BEND7: variants seen among roughly 807,000 people sequenced by gnomAD.
BEND7 encodes the protein BEN domain containing 7.
A neutral mutation model predicts 50.9 loss-of-function variants in BEND7; 28 were observed. The ratio of observed to expected loss-of-function variants is 0.55; its 90% CI spans 0.41 to 0.75. The LOEUF is 0.75. Among genes scored for constraint, BEND7 ranks in the 30% least tolerant of loss-of-function variants. The pLI is 0.00. For missense variants in BEND7, 477 were observed against 491.3 expected, an observed-to-expected ratio of 0.97 and a Z score of 0.28; for synonymous variants, 170 against 183.9, an observed-to-expected ratio of 0.92 and a Z score of 0.61.
intron 2 of BEND7, 62 bp from the exon 3 acceptor site, chr10:13,500,142 C>G (rs983678093): frequency 3.1e-6 from 4 of 1,304,518 alleles, no homozygotes; most frequent in Non-Finnish European, 1.0e-6. Flanking sequence ...AGTTCACTAA[C>G]CAAAAAGAAG....
chr10:13,497,722 TCC>T (rs1279022481), intron 3 of BEND7, among the ~76,000 whole-genome samples: 1 of 152,212 alleles, frequency 6.6e-6, no homozygotes, highest in African/African-American at 2.4e-5. Flanking sequence ...TACAGTGGGT[TCC>T]CTCCAGCACC....
chr10:13,452,677 T>C lies in BEND7; in HGVS notation c.1064-19A>G. On this transcript the variant is annotated intron_variant, in intron 6 of 8. Transcript: ENST00000466271. ...GTGAAGACTGAAAGAAAATGTAAAA[T>C]ATTGTTAAATACCTTAACAAGTAAA... is the stretch of plus-strand genomic sequence containing the variant. 1 of 1,562,148 alleles carries C rather than the reference T, an allele frequency of 6.4e-7. No homozygotes were observed. Among genetic ancestry groups the C allele is most frequent in the East Asian group, 2.3e-5 (1 of 44,228 alleles).
chr10:13,522,521 T>C (rs2079150152), intron 2 of BEND7, among the ~76,000 whole-genome samples: 1 of 152,180 alleles, frequency 6.6e-6, no homozygotes, highest in South Asian at 2.1e-4. Context: ...AGAAGACAGA[T>C]GTGAAAGCAC....
Position 13,452,644 on chromosome 10 carries a change from A to T in BEND7, c.1078T>A (p.Tyr360Asn). The T allele has an allele frequency of 6.2e-7, 1 of 1,600,520 alleles. No homozygotes were observed. ...VGAIKVFTEK[Y>N]CTANHVDKLP... ...TTATCCACATGGTTAGCTGTACAGTACTTTTCTGTGAAGACTGAAAGAAAA... is the reference window on the plus strand; with the variant it reads ...TTATCCACATGGTTAGCTGTACAGTTCTTTTCTGTGAAGACTGAAAGAAAA... Residue 360 changes from tyrosine (Y) to asparagine (N), a missense_variant, in exon 7 of 9, where the codon TAC (tyrosine) becomes AAC (asparagine). Around this residue, in one of 3 missense-constraint regions of BEND7, gnomAD observed 64 missense variants for 68.5 expected, o/e 0.93. Coordinates refer to ENST00000466271, the MANE Select transcript of BEND7 (RefSeq NM_001369863.1).
intron 4 of BEND7, among the ~76,000 whole-genome samples, chr10:13,496,166 A>G (rs1379960919): frequency 6.6e-6 from 1 of 152,208 alleles, no homozygotes; most frequent in Non-Finnish European, 1.5e-5. Flanking sequence ...TTAGATATGA[A>G]TTCTCCATTT....
Position 13,492,748 on chromosome 10 carries a change from T to C in BEND7, c.700A>G (p.Lys234Glu). 6.2e-7 allele frequency: 1 copy of C among 1,614,056 alleles called. No homozygotes were observed. Among genetic ancestry groups the C allele is most frequent in the Non-Finnish European group, 8.5e-7 (1 of 1,180,000 alleles). Reference protein sequence around the residue: ...KTVEPLTVKQKPSGSEMEKKS... With the variant: ...KTVEPLTVKQEPSGSEMEKKS... ...TTCTCCATCTCTGACCCACTGGGCT[T>C]CTGTTTCACAGTAAGAGGTTCCACA... is the stretch of plus-strand genomic sequence containing the variant. The change falls in exon 5 of 9, where the codon AAG becomes GAG. Residue 234 changes from lysine (K) to glutamate (E), a missense_variant. By Grantham distance (56) the Lys-to-Glu change is moderately conservative. Transcript: ENST00000466271.
chr10:13,497,106 G>A (rs549622001), intron 3 of BEND7, among the ~76,000 whole-genome samples: 3 of 152,302 alleles, frequency 2.0e-5, no homozygotes, highest in Admixed American at 1.3e-4. Context: ...ATACTGTAAC[G>A]TGCGTGCTGT....
intron 1 of BEND7, 95 bp downstream of exon 1, chr10:13,528,378 G>T (rs1336798228): frequency 4.1e-6 from 2 of 492,028 alleles, no homozygotes; most frequent in Non-Finnish European, 5.3e-6. Context: ...AAGGACCGGG[G>T]GCTCCGGGAG....
At chr10:13,527,530 C>T (rs1311548713) in intron 1 of BEND7, among the ~76,000 whole-genome samples, 1 of 152,162 alleles carries the variant, frequency 6.6e-6, no homozygotes, top group Admixed American at 6.5e-5. Flanking sequence ...CTAGAGAAAA[C>T]GACAGAGGAA....
intron 2 of BEND7, chr10:13,500,811 C>T (rs994975869): frequency 1.6e-5 from 16 of 985,306 alleles, no homozygotes; most frequent in Admixed American, 6.2e-5. Flanking sequence ...CCCTGCCACT[C>T]GAGGTCACTG....
At chr10:13,524,894 A>G (rs188816636) in intron 2 of BEND7, among the ~76,000 whole-genome samples, 1 of 151,786 alleles carries the variant, frequency 6.6e-6, no homozygotes, top group Admixed American at 6.6e-5. Context: ...TTTCCCTCCT[A>G]TTTTTCCTCT....
At chr10:13,509,167 GTATC>G (rs1370761695) in intron 2 of BEND7, among the ~76,000 whole-genome samples, 4 of 152,212 alleles carry the variant, frequency 2.6e-5, no homozygotes, top group Non-Finnish European at 5.9e-5. Context: ...AGGAGAGTAA[GTATC>G]TATGAGAAGT....
intron 2 of BEND7, among the ~76,000 whole-genome samples, chr10:13,501,711 G>A (rs1265904626): frequency 2.0e-5 from 3 of 152,096 alleles, no homozygotes; most frequent in Non-Finnish European, 4.4e-5. Flanking sequence ...GCCCAGCATG[G>A]TGGTGTGTGC....
intron 8 of BEND7, chr10:13,447,030 T>G: frequency 1.8e-6 from 1 of 552,872 alleles, no homozygotes; most frequent in African/African-American, 1.9e-5. Flanking sequence ...TTCTTAGGAT[T>G]TGCTCTTCTG....
chr10:13,523,900 A>C (rs1428179038), intron 2 of BEND7, among the ~76,000 whole-genome samples: 1 of 152,220 alleles, frequency 6.6e-6, no homozygotes, highest in African/African-American at 2.4e-5. Flanking sequence ...AGAATGAGCA[A>C]AAGATTGAAA....
intron 8 of BEND7, chr10:13,446,948 A>C (rs1182447370): frequency 2.8e-6 from 1 of 354,108 alleles, no homozygotes; most frequent in Non-Finnish European, 5.1e-6. Context: ...TTTTAAGGTG[A>C]AATCTCATTT....
chr10:13,442,299 C>G (rs147375760), intron 8 of BEND7: 1 of 152,664 alleles, frequency 6.6e-6, no homozygotes, highest in South Asian at 2.1e-4. Flanking sequence ...AGGTGTGAAC[C>G]CCGGGTTTGG....
chr10:13,521,375 G>A (rs1194781123), intron 2 of BEND7, among the ~76,000 whole-genome samples: 1 of 152,186 alleles, frequency 6.6e-6, no homozygotes, highest in Non-Finnish European at 1.5e-5. Context: ...CAATTAATGG[G>A]ATAACATTTA....
At chr10:13,448,730 A>G (rs996259908) in intron 7 of BEND7, among the ~76,000 whole-genome samples, 4 of 152,144 alleles carry the variant, frequency 2.6e-5, no homozygotes, top group Non-Finnish European at 5.9e-5. Context: ...ATGATGTTGT[A>G]TTTGGGAGGC....
Sources: allele counts gnomAD v4.1 joint callset (sites outside exome capture counted in the v4.1 genomes callset), GRCh38; gene constraint gnomAD v4.1.1; regional missense constraint gnomAD v4.1.1; transcripts MANE v1.5; gene names NCBI Gene and HGNC (gene_info 2026-07-23, HGNC 2026-07-21).